NUP85: variants seen among roughly 807,000 people sequenced by gnomAD.
NUP85 encodes nucleoporin 85.
In NUP85, 23 loss-of-function variants were observed where a neutral mutation model predicts 92.8. The ratio of observed to expected loss-of-function variants is 0.25; its 90% CI spans 0.18 to 0.35. The LOEUF is 0.35. NUP85 is among the 10% of genes least tolerant of loss of function. NUP85 has a pLI of 1.00. For missense variants in NUP85, 759 were observed against 822.8 expected, an observed-to-expected ratio of 0.92 and a Z score of 0.95; for synonymous variants, 314 against 306.9, an observed-to-expected ratio of 1.02 and a Z score of -0.24.
At chr17:75,224,976 A>T in intron 7 of NUP85, 127 bp from the exon 8 acceptor site, 2 of 881,536 alleles carry the variant, frequency 2.3e-6, no homozygotes, top group Non-Finnish European at 3.3e-6. Flanking sequence ...GGGCAGACTC[A>T]GGTGCAGAAA....
intron 16 of NUP85, among the ~76,000 whole-genome samples, chr17:75,234,160 T>TTCCTCC (rs920502741): frequency 1.3e-5 from 2 of 151,824 alleles, no homozygotes; most frequent in African/African-American, 2.4e-5. Context: ...CAAGCCATTC[T>TTCCTCC]TCCTCCTCAG....
chr17:75,213,087 G>C lies in NUP85; in HGVS notation c.373G>C (p.Asp125His). 6.2e-7 allele frequency: 1 copy of C among 1,613,456 alleles called. No individual in the cohort carries two copies. The highest frequency in any genetic ancestry group is 8.5e-7 in the Non-Finnish European group (1 of 1,179,762). ...EMHQVAIAAK[D>H]PANGRQFSSQ... ...TTGTGTTTTGTTAGTTGCTGCTAAA[G>C]ATCCAGCCAATGGCCGCCAGTTCAG... is the stretch of plus-strand genomic sequence containing the variant. The change falls in exon 5 of 19, where the codon GAT (aspartate) becomes CAT (histidine). Residue 125 changes from aspartate (D) to histidine (H), a missense_variant. Asp to His is a moderately conservative substitution (Grantham distance 81). Transcript: ENST00000245544.
intron 5 of NUP85, among the ~76,000 whole-genome samples, chr17:75,215,060 A>G (rs1401469589): frequency 1.3e-5 from 2 of 152,018 alleles, no homozygotes. Context: ...AATCCCAGCT[A>G]CTGGGGAGGC....
At chr17:75,215,324 C>G (rs532750151) in intron 5 of NUP85, among the ~76,000 whole-genome samples, 1 of 152,336 alleles carries the variant, frequency 6.6e-6, no homozygotes, top group Admixed American at 6.5e-5. Context: ...ATGCTCCCAC[C>G]TCAGCCTCCT....
Position 75,233,209 on chromosome 17 carries a change from G to T in NUP85, c.1615+51G>T, listed in dbSNP as rs753096305. 70 of 1,516,496 alleles carry T rather than the reference G, an allele frequency of 4.6e-5. 1 individual carries two copies. The Admixed American group carries it at 1.1e-3, about 24-fold the overall frequency. 93.9% of individuals were successfully genotyped at this position (1,516,496 alleles called of 1,614,324 possible). On this transcript the variant is annotated intron_variant, in intron 16 of 18. Transcript: ENST00000245544. ...TGCTTTGGGCACAAGTGGGTAGTTGGGGAGGTTGGAGGGATCACGTCAGAC... is the reference window on the plus strand; with the variant it reads ...TGCTTTGGGCACAAGTGGGTAGTTGTGGAGGTTGGAGGGATCACGTCAGAC...
intron 7 of NUP85, among the ~76,000 whole-genome samples, chr17:75,222,023 G>A (rs927895582): frequency 8.5e-6 from 1 of 118,192 alleles, no homozygotes; most frequent in Admixed American, 9.5e-5. Context: ...TGTTTCTCTC[G>A]TGTGTGTGTG....
intron 7 of NUP85, 75 bp downstream of exon 7, chr17:75,218,381 C>T: frequency 6.3e-7 from 1 of 1,579,740 alleles, no homozygotes; most frequent in Non-Finnish European, 8.6e-7. Context: ...TCTGAGGACA[C>T]CCACTGAGCC....
At chr17:75,208,357 A>ATCT in intron 1 of NUP85, 170 bp from the exon 2 acceptor site, 1 of 613,456 alleles carries the variant, frequency 1.6e-6, no homozygotes, top group Non-Finnish European at 2.9e-6. Context: ...AGGCAGGAGA[A>ATCT]GCCTTTGAAC....
chr17:75,234,289 T>G (rs1479742672), intron 16 of NUP85, among the ~76,000 whole-genome samples: 1 of 152,024 alleles, frequency 6.6e-6, no homozygotes, highest in Non-Finnish European at 1.5e-5. Context: ...TGACCTCAGG[T>G]GATCCACCTG....
At position 75,205,755 on chromosome 17, in the gene NUP85, C is replaced by A; in HGVS notation, c.-7C>A. The A allele has an allele frequency of 1.2e-6, 2 of 1,614,138 alleles. No individual in the cohort carries two copies. Among genetic ancestry groups the A allele is most frequent in the Non-Finnish European group, 8.5e-7 (1 of 1,180,012 alleles). Reference sequence around the variant, plus strand: ...GAGCGACTTCTAGGAGCCTGGGGTTCGGCGCTATGGAGGAGCTCGATGGCG... The same window carrying A: ...GAGCGACTTCTAGGAGCCTGGGGTTAGGCGCTATGGAGGAGCTCGATGGCG... On this transcript the variant is annotated 5_prime_UTR_variant, in exon 1 of 19. Transcript: ENST00000245544.
chr17:75,233,117 T>G lies in NUP85; in HGVS notation c.1574T>G (p.Leu525Arg). 1.9e-6 allele frequency: 3 copies of G among 1,614,140 alleles called. No homozygotes were observed. The highest frequency in any genetic ancestry group is 2.5e-6 in the Non-Finnish European group (3 of 1,180,018). Reference sequence around the variant, plus strand: ...TCTGATTTGGATCTCATTGACAACCTGGGGCCAGCCATGATGCTCAGTGAC... The same window carrying G: ...TCTGATTTGGATCTCATTGACAACCGGGGGCCAGCCATGATGCTCAGTGAC... ...CFSDLDLIDN[L>R]GPAMMLSDRL... The change falls in exon 16 of 19, where the codon CTG (leucine) becomes CGG (arginine). Residue 525 changes from leucine to arginine, a missense_variant. Transcript: ENST00000245544.
At chr17:75,234,144 C>T (rs368298870) in intron 16 of NUP85, among the ~76,000 whole-genome samples, 15 of 151,746 alleles carry the variant, frequency 9.9e-5, no homozygotes, top group South Asian at 6.2e-4. Flanking sequence ...CTCCACCTCC[C>T]GGGTTCAAGC....
chr17:75,225,033 GA>G (rs1056471697), intron 7 of NUP85, 69 bp from the exon 8 acceptor site: 4 of 1,478,562 alleles, frequency 2.7e-6, no homozygotes, highest in Non-Finnish European at 3.6e-6. Context: ...GGGGTGAGGG[GA>G]CTGGCCTCCT....
rs2145280233 is a variant in NUP85 at position 75,212,081 on chromosome 17, T to TGCGCGTGC, written c.361+24_361+25insTGCGCGCG. On this transcript the variant is annotated intron_variant, in intron 4 of 18. Coordinates refer to ENST00000245544, the MANE Select transcript of NUP85 (RefSeq NM_024844.5). ...GTTGCAAGTAAGGACTGTGTGCGCG[T>TGCGCGTGC]GCGCGCGTGTGTGTGTGTGTGTGTG... is the stretch of plus-strand genomic sequence containing the variant. 7.6e-7 allele frequency: 1 copy of TGCGCGTGC among 1,311,838 alleles called. No individual in the cohort carries two copies. Among genetic ancestry groups the TGCGCGTGC allele is most frequent in the Non-Finnish European group, 1.1e-6 (1 of 920,472 alleles). The allele number at this position is 1,311,838 out of a possible 1,614,324, so 81.3% of individuals were successfully genotyped here.
intron 7 of NUP85, among the ~76,000 whole-genome samples, chr17:75,222,948 T>C (rs1215133147): frequency 6.8e-6 from 1 of 146,060 alleles, no homozygotes; most frequent in Non-Finnish European, 1.5e-5. Flanking sequence ...GGCAGGAGAA[T>C]GGCGTGAACC....
chr17:75,213,404 T>C (rs1234597747), intron 5 of NUP85, among the ~76,000 whole-genome samples: 1 of 151,620 alleles, frequency 6.6e-6, no homozygotes, highest in African/African-American at 2.4e-5. Flanking sequence ...ATTTCTCCTG[T>C]CTCAGCCTCC....
chr17:75,229,121 C>T (rs2075941757), intron 11 of NUP85: 3 of 985,292 alleles, frequency 3.0e-6, no homozygotes, highest in Admixed American at 6.2e-5. Flanking sequence ...CCAAAAGTAT[C>T]GAGCTAAAAG....
intron 5 of NUP85, among the ~76,000 whole-genome samples, chr17:75,214,303 A>G (rs1474776650): frequency 6.6e-6 from 1 of 152,142 alleles, no homozygotes; most frequent in Non-Finnish European, 1.5e-5. Context: ...ACCCTTATGA[A>G]CAAGTCATCA....
chr17:75,233,437 C>CCT (rs2076174486), intron 16 of NUP85, among the ~76,000 whole-genome samples: 1 of 117,186 alleles, frequency 8.5e-6, no homozygotes, highest in Non-Finnish European at 1.7e-5. Flanking sequence ...TTTATTTTTT[C>CCT]TTTTTTTTTT....
Sources: gnomAD v4.1 joint callset for allele counts (sites outside exome capture counted in the v4.1 genomes callset) on GRCh38, gnomAD v4.1.1 for gene constraint, MANE v1.5 for transcripts, NCBI Gene and HGNC (gene_info 2026-07-23, HGNC 2026-07-21) for gene names.